BICC1: variants seen among roughly 807,000 people sequenced by gnomAD.
BICC1 encodes BicC family RNA binding protein 1.
A neutral mutation model predicts 111.0 loss-of-function variants in BICC1; 43 were observed. The observed-to-expected ratio is 0.39, with a 90% confidence interval of 0.30 to 0.50. BICC1 has a LOEUF of 0.50. Ranked by LOEUF, BICC1 falls within the 20% of genes least tolerant of loss-of-function variation. The pLI is 0.88. For missense variants in BICC1, 1,091 were observed against 1,203.2 expected (o/e 0.91, Z 1.38); for synonymous variants, 467 against 434.4 (o/e 1.07, Z -0.93).
At chr10:58,689,698 G>A (rs879410226) in intron 2 of BICC1, among the ~76,000 whole-genome samples, 3 of 152,218 alleles carry the variant, frequency 2.0e-5, no homozygotes, top group Non-Finnish European at 2.9e-5. Flanking sequence ...AAGCAAAGCG[G>A]AGCAAACATT....
intron 3 of BICC1, among the ~76,000 whole-genome samples, chr10:58,756,837 T>C (rs1842162548): frequency 6.6e-6 from 1 of 152,192 alleles, no homozygotes; most frequent in Admixed American, 6.5e-5. Flanking sequence ...AGAAAAGCGA[T>C]AACTTTCTAG....
rs1230679224 is a variant in BICC1 at position 58,813,842 on chromosome 10, T to C, written c.2389T>C (p.Ser797Pro). ...MTTTYEGSSM[S>P]LSRSNSREHL... ...TGTCTGTTTACAGGGCTCATCCATG[T>C]CCCTTTCACGGTCCAACAGTCGTGA... The change falls in exon 18 of 21, where the codon TCC (serine) becomes CCC (proline). Residue 797 changes from serine (S) to proline (P), a missense_variant. Coordinates refer to ENST00000373886, the MANE Select transcript of BICC1 (RefSeq NM_001080512.3). 1 of 1,613,880 alleles carries C rather than the reference T, an allele frequency of 6.2e-7. No homozygotes were observed. Among genetic ancestry groups the C allele is most frequent in the South Asian group, 1.1e-5 (1 of 91,072 alleles).
intron 1 of BICC1, among the ~76,000 whole-genome samples, chr10:58,565,056 A>G (rs1033501146): frequency 3.4e-5 from 5 of 147,252 alleles, no homozygotes; most frequent in Non-Finnish European, 5.9e-5. Context: ...ATCTTCCAAC[A>G]CTTCACACTC....
intron 1 of BICC1, among the ~76,000 whole-genome samples, chr10:58,618,299 G>A (rs1845685490): frequency 6.6e-6 from 1 of 152,222 alleles, no homozygotes; most frequent in Admixed American, 6.5e-5. Flanking sequence ...CAGACATCCG[G>A]TCTTGCATGT....
intron 1 of BICC1, among the ~76,000 whole-genome samples, chr10:58,562,617 T>C (rs919300005): frequency 6.6e-6 from 1 of 152,160 alleles, no homozygotes; most frequent in Admixed American, 6.5e-5. Context: ...TTTATAAATT[T>C]CCTTTTTTGG....
chr10:58,522,734 A>T (rs560465761), intron 1 of BICC1, among the ~76,000 whole-genome samples: 103 of 152,284 alleles, frequency 6.8e-4, no homozygotes, highest in Non-Finnish European at 1.2e-3. Flanking sequence ...AGAGACACAA[A>T]AAACCCTTCA....
At chr10:58,666,808 A>C (rs779195960) in intron 2 of BICC1, among the ~76,000 whole-genome samples, 33 of 152,048 alleles carry the variant, frequency 2.2e-4, no homozygotes, top group Middle Eastern at 3.2e-3. Flanking sequence ...TAGCCATTCA[A>C]TTGCTGATAT....
intron 18 of BICC1, 33 bp from the exon 19 acceptor site, chr10:58,817,529 A>T (rs1003408846): frequency 6.2e-7 from 1 of 1,612,070 alleles, no homozygotes; most frequent in South Asian, 1.1e-5. Context: ...CTGGGCATTT[A>T]CACTTCAAGC....
intron 1 of BICC1, among the ~76,000 whole-genome samples, chr10:58,578,753 A>G (rs1200176773): frequency 3.9e-5 from 6 of 152,132 alleles, no homozygotes; most frequent in Non-Finnish European, 8.8e-5. Flanking sequence ...GCCCCTCATC[A>G]GAGAGAAACA....
intron 2 of BICC1, among the ~76,000 whole-genome samples, chr10:58,653,782 T>G (rs1162921677): frequency 1.3e-5 from 2 of 148,964 alleles, no homozygotes; most frequent in Non-Finnish European, 3.0e-5. Flanking sequence ...CTGCACCCAC[T>G]AACTCGTCAT....
At chr10:58,603,774 A>G (rs1845119002) in intron 1 of BICC1, among the ~76,000 whole-genome samples, 1 of 152,124 alleles carries the variant, frequency 6.6e-6, no homozygotes, top group African/African-American at 2.4e-5. Context: ...CTTCCATAAT[A>G]GTTATTATCA....
rs540627449 is a variant in BICC1 at position 58,768,173 on chromosome 10, A to C, written c.308-16828A>C. 2.2e-4 allele frequency among the ~76,000 whole-genome samples: 34 copies of C among 152,300 alleles called. 1 individual carries two copies. Among genetic ancestry groups the C allele is most frequent in the Admixed American group, 1.4e-3 (21 of 15,304 alleles). The stretch of plus-strand genomic sequence containing the variant: ...TCTTATTGTCAATAATCAATGACAG[A>C]GAATTTTGAAAACAGCAAGAGAAAA... On this transcript the variant is annotated intron_variant, in intron 3 of 20. Coordinates refer to ENST00000373886, the MANE Select transcript of BICC1 (RefSeq NM_001080512.3).
At chr10:58,712,901 A>G (rs942993435) in intron 3 of BICC1, among the ~76,000 whole-genome samples, 2 of 152,174 alleles carry the variant, frequency 1.3e-5, no homozygotes, top group Non-Finnish European at 1.5e-5. Flanking sequence ...TGTACTTTCC[A>G]CTTGATTTTG....
chr10:58,681,707 C>T (rs1189937478), intron 2 of BICC1, among the ~76,000 whole-genome samples: 10 of 152,036 alleles, frequency 6.6e-5, no homozygotes, highest in African/African-American at 9.7e-5. Context: ...CGTGGACCCT[C>T]GCGGTGAGTG....
intron 2 of BICC1, among the ~76,000 whole-genome samples, chr10:58,684,712 G>A (rs374608521): frequency 2.0e-5 from 3 of 152,010 alleles, no homozygotes; most frequent in South Asian, 2.1e-4. Context: ...CTGTGGGATC[G>A]GTGGTGATAT....
intron 2 of BICC1, among the ~76,000 whole-genome samples, chr10:58,670,390 A>T (rs956491461): frequency 1.3e-5 from 2 of 152,138 alleles, no homozygotes; most frequent in African/African-American, 2.4e-5. Context: ...TCCTATGACG[A>T]TATAGACCAT....
intron 3 of BICC1, among the ~76,000 whole-genome samples, chr10:58,743,133 A>T (rs537749901): frequency 6.6e-6 from 1 of 152,282 alleles, no homozygotes; most frequent in African/African-American, 2.4e-5. Flanking sequence ...GTTGTTCGGG[A>T]AAGTCAGATA....
intron 2 of BICC1, among the ~76,000 whole-genome samples, chr10:58,621,946 G>GAAC (rs781606575): frequency 0.024 from 634 of 26,238 alleles, 167 homozygotes; most frequent in Middle Eastern, 0.1. Flanking sequence ...GAATAGAATA[G>GAAC]AATAGAATAG....
rs556708455 is a variant in BICC1 at position 58,745,977 on chromosome 10, A to G, written c.308-39024A>G. Among the ~76,000 whole-genome samples the G allele has an allele frequency of 5.3e-4, 81 of 152,222 alleles. 1 individual carries two copies. In the South Asian group the frequency reaches 0.016, roughly 30 times the overall value. On this transcript the variant is annotated intron_variant, in intron 3 of 20. Coordinates refer to ENST00000373886, the MANE Select transcript of BICC1 (RefSeq NM_001080512.3). ...TCTAATATTCTATCTATTTTGGAGC[A>G]TATATATTACCACAGGCAGATGAGA...
Sources: gnomAD v4.1 joint callset for allele counts (sites outside exome capture counted in the v4.1 genomes callset) on GRCh38, gnomAD v4.1.1 for gene constraint, MANE v1.5 for transcripts, NCBI Gene and HGNC (gene_info 2026-07-23, HGNC 2026-07-21) for gene names.